Variants in METTL4 observed in about 807,000 individuals in gnomAD.
The protein encoded by METTL4 is N(6)-adenine-specific methyltransferase METTL4.
A neutral mutation model predicts 54.0 loss-of-function variants in METTL4; 40 were observed. That is an observed-to-expected ratio of 0.74 (90% confidence interval 0.58 to 0.96). The LOEUF (loss-of-function observed/expected upper bound fraction) is 0.96. Among genes scored for constraint, METTL4 ranks in the 50% least tolerant of loss-of-function variants. METTL4 has a pLI of 0.00. For synonymous variants in METTL4, 169 were observed against 183.8 expected (o/e 0.92, Z 0.65); for missense variants, 525 against 549.0 (o/e 0.96, Z 0.44).
chr18:2,565,667 A>C (rs1182361194), intron 2 of METTL4, among the ~76,000 whole-genome samples: 1 of 152,212 alleles, frequency 6.6e-6, no homozygotes, highest in Non-Finnish European at 1.5e-5. Context: ...TATAAGATCC[A>C]TCAGGGAGGG....
intron 2 of METTL4, among the ~76,000 whole-genome samples, chr18:2,565,874 C>T (rs1270797816): frequency 2.0e-5 from 3 of 151,822 alleles, no homozygotes; most frequent in Non-Finnish European, 4.4e-5. Context: ...AGTGAAGCCC[C>T]GTCTCTACTA....
chr18:2,552,191 CAAAAT>C (rs553206325), intron 5 of METTL4, among the ~76,000 whole-genome samples: 7 of 149,544 alleles, frequency 4.7e-5, no homozygotes, highest in Admixed American at 2.7e-4. Flanking sequence ...GACTCCATCT[CAAAAT>C]AAAATAAAAT....
chr18:2,555,006 C>T lies in METTL4; in HGVS notation c.492G>A (p.Gln164=), dbSNP rs61730027. 0.051 allele frequency: 82,932 copies of T among 1,612,828 alleles called. 3,930 individuals carry two copies. The highest frequency in any genetic ancestry group is 0.24 in the African/African-American group (17,644 of 74,770). ...CACTTTTGAGACCTTCCTGGATCAA[C>T]TGTAAAGATCCATCCAAAATCAGCT... is the stretch of plus-strand genomic sequence containing the variant. ...IRELILDGSL[Q]LIQEGLKSGF... Residue 164 remains glutamine (Q), a synonymous_variant, in exon 4 of 9, where the codon CAG becomes CAA. Coordinates refer to ENST00000574538, the MANE Select transcript of METTL4 (RefSeq NM_022840.5).
At chr18:2,555,182 G>T in intron 3 of METTL4, 144 bp from the exon 4 acceptor site, 2 of 880,622 alleles carry the variant, frequency 2.3e-6, no homozygotes, top group Non-Finnish European at 3.5e-6. Context: ...TGAAAAGAAT[G>T]TGTGAGCACG....
At position 2,544,299 on chromosome 18, in the gene METTL4, A is replaced by T. The variant is rs1324586849; in HGVS notation, c.1182-13T>A. ...TACATCTGCATTCCTAATTAAACAG[A>T]ACAAGAAAGTAAACTATATTTTAAA... On this transcript the variant is annotated splice_polypyrimidine_tract_variant and intron_variant, in intron 7 of 8. Transcript: ENST00000574538. The T allele has an allele frequency of 6.3e-7, 1 of 1,578,890 alleles. No homozygotes were observed. Among genetic ancestry groups the T allele is most frequent in the African/African-American group, 1.4e-5 (1 of 73,524 alleles).
At chr18:2,539,246 C>G in intron 8 of METTL4, 101 bp from the exon 9 acceptor site, 1 of 946,186 alleles carries the variant, frequency 1.1e-6, no homozygotes, top group Non-Finnish European at 1.6e-6. Context: ...TCATTTTGTT[C>G]TTAAAAGACA....
intron 3 of METTL4, 98 bp downstream of exon 3, chr18:2,563,699 G>A: frequency 2.8e-6 from 2 of 724,578 alleles, no homozygotes; most frequent in Non-Finnish European, 2.2e-6. Context: ...CAAAATGATT[G>A]CTTGATTTTG....
At chr18:2,545,980 C>T (rs1402473994) in intron 6 of METTL4, among the ~76,000 whole-genome samples, 1 of 152,018 alleles carries the variant, frequency 6.6e-6, no homozygotes, top group African/African-American at 2.4e-5. Flanking sequence ...GGTTTGATTT[C>T]AAAAGGTGAC....
intron 2 of METTL4, among the ~76,000 whole-genome samples, chr18:2,565,231 A>T (rs1403143587): frequency 1.3e-5 from 2 of 152,080 alleles, no homozygotes; most frequent in African/African-American, 4.8e-5. Flanking sequence ...GTGAACCGAG[A>T]TCACGCCACT....
chr18:2,539,512 C>T (rs2071963069), intron 8 of METTL4, among the ~76,000 whole-genome samples: 1 of 148,262 alleles, frequency 6.7e-6, no homozygotes, highest in Non-Finnish European at 1.5e-5. Context: ...ACAAGAGTCT[C>T]GCACTGTCAC....
chr18:2,552,065 C>G (rs539507568), intron 5 of METTL4, among the ~76,000 whole-genome samples: 4 of 151,944 alleles, frequency 2.6e-5, no homozygotes, highest in Non-Finnish European at 5.9e-5. Context: ...TGGTGGCGTG[C>G]GCCTGTACTC....
Position 2,547,456 on chromosome 18 carries a change from C to G in METTL4, c.973G>C (p.Val325Leu), listed in dbSNP as rs146006617. The change falls in exon 6 of 9, where the codon GTT becomes CTT. Residue 325 changes from valine to leucine, a missense_variant. By Grantham distance (32) the Val-to-Leu change is conservative. Coordinates refer to ENST00000574538, the MANE Select transcript of METTL4 (RefSeq NM_022840.5). ...PKLAAPNCLL[V>L]TWVTNRQKHL... ...TTCTGTCTATTGGTCACCCAAGTAA[C>G]AAGAAGACAGTTTGGAGCAGCCAAT... The G allele has an allele frequency of 6.2e-7, 1 of 1,611,966 alleles. No homozygotes were observed. Among genetic ancestry groups the G allele is most frequent in the Non-Finnish European group, 8.5e-7 (1 of 1,178,942 alleles).
chr18:2,562,215 A>G (rs977889638), intron 3 of METTL4: 3 of 152,324 alleles, frequency 2.0e-5, no homozygotes, highest in Non-Finnish European at 4.4e-5. Context: ...TCTACAAAAA[A>G]ATAAAAAATT....
At position 2,567,501 on chromosome 18, in the gene METTL4, G is replaced by A. The variant is rs2072439163; in HGVS notation, c.-285C>T. 4.4e-6 allele frequency: 1 copy of A among 227,168 alleles called. No individual in the cohort carries two copies. Among genetic ancestry groups the A allele is most frequent in the Admixed American group, 5.6e-5 (1 of 17,844 alleles). 14.1% of individuals were successfully genotyped at this position (227,168 alleles called of 1,614,324 possible). ...ATTTTCAGCCAAAATTTGGCCAAAG[G>A]GGGTTAAAACCTGATCTTATGTCTG... is the stretch of plus-strand genomic sequence containing the variant. On this transcript the variant is annotated 5_prime_UTR_variant, in exon 2 of 9. Transcript: ENST00000574538.
intron 2 of METTL4, 150 bp downstream of exon 2, chr18:2,566,671 G>T: frequency 1.9e-6 from 1 of 529,808 alleles, no homozygotes; most frequent in Non-Finnish European, 3.0e-6. Flanking sequence ...CTAGAAAAAA[G>T]CTACAAATTA....
intron 8 of METTL4, chr18:2,540,075 C>T (rs1286623190): frequency 3.1e-6 from 3 of 977,654 alleles, no homozygotes; most frequent in Middle Eastern, 5.2e-4. Flanking sequence ...TTAAGTATTC[C>T]TTGTATTATT....
chr18:2,548,295 T>C (rs2072102313), intron 5 of METTL4, among the ~76,000 whole-genome samples: 1 of 152,218 alleles, frequency 6.6e-6, no homozygotes, highest in East Asian at 1.9e-4. Flanking sequence ...TTCTCCAACA[T>C]TCAGTGGAAG....
chr18:2,552,030 T>A (rs969377164), intron 5 of METTL4, among the ~76,000 whole-genome samples: 1 of 151,874 alleles, frequency 6.6e-6, no homozygotes, highest in Non-Finnish European at 1.5e-5. Flanking sequence ...CCGTCTCTAC[T>A]AAAAATACAA....
Position 2,548,213 on chromosome 18 carries a change from G to C in METTL4, c.900-684C>G, listed in dbSNP as rs145452776. Among the ~76,000 whole-genome samples the C allele has an allele frequency of 4.6e-3, 693 of 152,144 alleles. 12 individuals are homozygous for C. Among genetic ancestry groups the C allele is most frequent in the African/African-American group, 0.016 (656 of 41,504 alleles). On this transcript the variant is annotated intron_variant, in intron 5 of 8. Coordinates refer to ENST00000574538, the MANE Select transcript of METTL4 (RefSeq NM_022840.5). ...TATAATCTTGTACCTCCTGGCCATA[G>C]AGTATAATGGCTAGTTTGTCCTGCA...
Sources: allele counts gnomAD v4.1 joint callset (sites outside exome capture counted in the v4.1 genomes callset), GRCh38; gene constraint gnomAD v4.1.1; transcripts MANE v1.5; gene names NCBI Gene and HGNC (gene_info 2026-07-23, HGNC 2026-07-21).